Variants in FAH observed in about 807,000 individuals in gnomAD.
FAH encodes the protein fumarylacetoacetase.
Under a neutral mutation model 55.8 loss-of-function variants are expected in FAH, and 47 were observed. The observed-to-expected ratio is 0.84, with a 90% CI of 0.67 to 1.07. The LOEUF (loss-of-function observed/expected upper bound fraction) is 1.07. Ranked by LOEUF, FAH falls within the 50% of genes least tolerant of loss-of-function variation. FAH has a pLI of 0.00. For missense variants in FAH, 495 were observed against 545.9 expected, an observed-to-expected ratio of 0.91 and a Z score of 0.93; for synonymous variants, 199 against 207.7, an observed-to-expected ratio of 0.96 and a Z score of 0.36.
chr15:80,158,321 G>A lies in FAH; in HGVS notation c.192+151G>A. On this transcript the variant is annotated intron_variant, in intron 2 of 13. Coordinates refer to ENST00000561421, the MANE Select transcript of FAH (RefSeq NM_000137.4). ...TTGGATAAGGCTGGGGTTGTTTTGA[G>A]ACAGACAAACTGGTAGGAGGTGGCC... The A allele has an allele frequency of 8.1e-6, 6 of 736,198 alleles. No individual in the cohort carries two copies. In the South Asian group the frequency reaches 8.8e-5, roughly 11 times the overall value. The allele number at this position is 736,198 out of a possible 1,614,324, so 45.6% of individuals were successfully genotyped here. A position where few individuals can be genotyped will look rare whatever the true frequency, so the allele number is the denominator to read the frequency against.
At position 80,181,078 on chromosome 15, in the gene FAH, T is replaced by C; in HGVS notation, c.1099T>C (p.Trp367Arg). ...CTTCGGCTCCATGTTGGAACTGTCG[T>C]GGAAGGGAACGAAGCCCATAGACCT... Reference protein sequence around the residue: ...ENFGSMLELSWKGTKPIDLGN... With the variant: ...ENFGSMLELSRKGTKPIDLGN... The change falls in exon 13 of 14, where the codon TGG becomes CGG. Residue 367 changes from tryptophan to arginine, a missense_variant. Coordinates refer to ENST00000561421, the MANE Select transcript of FAH (RefSeq NM_000137.4). 6.2e-7 allele frequency: 1 copy of C among 1,613,874 alleles called. No individual in the cohort carries two copies. The highest frequency in any genetic ancestry group is 8.5e-7 in the Non-Finnish European group (1 of 1,179,836).
intron 7 of FAH, 61 bp from the exon 8 acceptor site, chr15:80,172,088 G>A: frequency 8.1e-7 from 1 of 1,233,860 alleles, no homozygotes; most frequent in East Asian, 2.3e-5. Context: ...TGCTCTCTAG[G>A]TGACAAGTGA....
chr15:80,153,203 G>A, intron 1 of FAH, 68 bp downstream of exon 1: 1 of 1,223,608 alleles, frequency 8.2e-7, no homozygotes, highest in Middle Eastern at 1.9e-4. Context: ...GAGTGGAGTG[G>A]AGTGGAGTGG....
At chr15:80,173,464 A>G in intron 9 of FAH, 1 of 451,874 alleles carries the variant, frequency 2.2e-6, no homozygotes, top group Non-Finnish European at 4.1e-6. Flanking sequence ...ACATTGCACA[A>G]CCTCCCAGGT....
In FAH at chr15:80,186,123, G is replaced by A. The variant is rs750983382; in HGVS notation, c.1181-7G>A. On this transcript the variant is annotated splice_region_variant and splice_polypyrimidine_tract_variant and intron_variant, in intron 13 of 13. Transcript: ENST00000561421. ...TTGTGACTGATCCTTGTCCTCCTCT[G>A]TTCCAGGGTACTGCCAGGGGGATGG... 2 of 1,613,908 alleles carry A rather than the reference G, an allele frequency of 1.2e-6. No individual in the cohort carries two copies. Among genetic ancestry groups the A allele is most frequent in the South Asian group, 2.2e-5 (2 of 91,082 alleles).
chr15:80,159,769 G>A lies in FAH; in HGVS notation c.206G>A (p.Ser69Asn). The A allele has an allele frequency of 6.2e-7, 1 of 1,614,246 alleles. No individual in the cohort carries two copies. Reference protein sequence around the residue: ...QDVFNQPTLNSFMGLGQAAWK... With the variant: ...QDVFNQPTLNNFMGLGQAAWK... Reference sequence around the variant, plus strand: ...TTTTGGTCTTAGCCTACACTCAACAGCTTCATGGGCCTGGGTCAGGCTGCC... The same window carrying A: ...TTTTGGTCTTAGCCTACACTCAACAACTTCATGGGCCTGGGTCAGGCTGCC... The change falls in exon 3 of 14, where the codon AGC becomes AAC. Residue 69 changes from serine (S) to asparagine (N), a missense_variant. Ser to Asn is a conservative substitution (Grantham distance 46). Coordinates refer to ENST00000561421, the MANE Select transcript of FAH (RefSeq NM_000137.4).
upstream of FAH, chr15:80,152,937 C>G: frequency 1.2e-6 from 1 of 850,902 alleles, no homozygotes; most frequent in Non-Finnish European, 1.9e-6. Flanking sequence ...GCTGTGTCAC[C>G]CGGACAGGCC....
intron 10 of FAH, among the ~76,000 whole-genome samples, chr15:80,175,705 C>T (rs1000349426): frequency 1.3e-5 from 2 of 152,260 alleles, no homozygotes; most frequent in African/African-American, 4.8e-5. Context: ...ACTGGCTCTG[C>T]AGGCCATGAC....
intron 1 of FAH, among the ~76,000 whole-genome samples, chr15:80,154,633 A>T (rs911644441): frequency 9.2e-5 from 14 of 152,200 alleles, no homozygotes; most frequent in South Asian, 2.1e-4. Flanking sequence ...TGCCAAGGCA[A>T]AACCTCCCTT....
At chr15:80,176,079 G>A (rs986624674) in intron 10 of FAH, among the ~76,000 whole-genome samples, 4 of 151,700 alleles carry the variant, frequency 2.6e-5, no homozygotes, top group African/African-American at 9.7e-5. Flanking sequence ...GTGCAATGGT[G>A]CGATCTTGGC....
chr15:80,173,631 C>T (rs902596337), intron 9 of FAH: 1 of 273,400 alleles, frequency 3.7e-6, no homozygotes, highest in African/African-American at 2.2e-5. Context: ...TTCCAGTCCT[C>T]CCTTCTCAGC....
At chr15:80,159,448 C>T (rs2041128621) in intron 2 of FAH, among the ~76,000 whole-genome samples, 1 of 151,970 alleles carries the variant, frequency 6.6e-6, no homozygotes, top group Non-Finnish European at 1.5e-5. Context: ...TGTGCCTCTA[C>T]TGGAAGAACA....
chr15:80,175,799 G>A (rs1156340587), intron 10 of FAH, among the ~76,000 whole-genome samples: 2 of 152,200 alleles, frequency 1.3e-5, no homozygotes, highest in Non-Finnish European at 2.9e-5. Context: ...GGATAATAGC[G>A]GCGTTGACCT....
At chr15:80,165,398 G>C (rs1002186544) in intron 5 of FAH, among the ~76,000 whole-genome samples, 4 of 152,146 alleles carry the variant, frequency 2.6e-5, no homozygotes, top group Non-Finnish European at 5.9e-5. Flanking sequence ...CATGATGGCG[G>C]GTGCCTGTAA....
chr15:80,180,345 C>T (rs1400689029), intron 12 of FAH, 120 bp downstream of exon 12: 2 of 760,738 alleles, frequency 2.6e-6, no homozygotes, highest in Admixed American at 4.0e-5. Flanking sequence ...GTGTATCTCA[C>T]AACTCTGTCT....
At chr15:80,184,736 C>T (rs1217188304) in intron 13 of FAH, among the ~76,000 whole-genome samples, 8 of 152,122 alleles carry the variant, frequency 5.3e-5, no homozygotes, top group African/African-American at 1.9e-4. Context: ...CTTCTTAGGG[C>T]CCCCCAAAGG....
chr15:80,168,214 G>A (rs757953566), intron 6 of FAH, 50 bp from the exon 7 acceptor site: 1 of 1,609,628 alleles, frequency 6.2e-7, no homozygotes, highest in South Asian at 1.1e-5. Context: ...AGAGAGTTCT[G>A]TGGCCTCACT....
At chr15:80,180,525 C>G (rs954947274) in intron 12 of FAH, among the ~76,000 whole-genome samples, 1 of 152,170 alleles carries the variant, frequency 6.6e-6, no homozygotes. Flanking sequence ...GTCACCATCT[C>G]ACACTACACC....
chr15:80,161,433 C>T (rs1437077403), intron 4 of FAH, among the ~76,000 whole-genome samples: 1 of 152,118 alleles, frequency 6.6e-6, no homozygotes, highest in Non-Finnish European at 1.5e-5. Context: ...CTAGTCTAGG[C>T]TGTTGGTATT....
Sources: gnomAD v4.1 joint callset for allele counts (sites outside exome capture counted in the v4.1 genomes callset) on GRCh38, gnomAD v4.1.1 for gene constraint, MANE v1.5 for transcripts, NCBI Gene and HGNC (gene_info 2026-07-23, HGNC 2026-07-21) for gene names.